The following CX3CR1 variants were observed in gnomAD, a reference collection of about 807,000 sequenced individuals.
CX3CR1 encodes CX3C chemokine receptor 1.
For missense variants in CX3CR1, 363 were observed against 432.4 expected, an observed-to-expected ratio of 0.84 and a Z score of 1.42; for synonymous variants, 168 against 178.5, an observed-to-expected ratio of 0.94 and a Z score of 0.47.
chr3:39,288,340 T>A, the CX3CR1 span, among the ~76,000 whole-genome samples: 1 of 152,258 alleles, frequency 6.6e-6, no homozygotes, highest in African/African-American at 2.4e-5. Context: ...TGCTCAGGGC[T>A]GTTTGTTAAG....
chr3:39,281,479 T>A, upstream of CX3CR1: 6 of 856,532 alleles, frequency 7.0e-6, no homozygotes, highest in Non-Finnish European at 7.3e-6. Context: ...TTGACGACAG[T>A]CTCATCCACC....
At chr3:39,273,558 T>C (rs974702555) in intron 1 of CX3CR1, among the ~76,000 whole-genome samples, 1 of 152,228 alleles carries the variant, frequency 6.6e-6, no homozygotes, top group Non-Finnish European at 1.5e-5. Context: ...TCTTGATGTA[T>C]GAAATTAAAG....
rs1229662185 is a variant in CX3CR1, at chr3:39,265,586, A to G, written c.924T>C (p.Tyr308=). Residue 308 remains tyrosine (Y), a synonymous_variant, in exon 2 of 2, where the codon TAT becomes TAC. Coordinates refer to ENST00000399220, the MANE Select transcript of CX3CR1 (RefSeq NM_001337.4). ...EKFRRYLYHL[Y]GKCLAVLCGR... ...CACACAGGACAGCCAGGCATTTCCC[A>G]TACAGGTGGTAAAGGTATCTTCTGA... 1 of 1,614,200 alleles carries G rather than the reference A, an allele frequency of 6.2e-7. No homozygotes were observed. Among genetic ancestry groups the G allele is most frequent in the East Asian group, 2.2e-5 (1 of 44,880 alleles).
chr3:39,277,984 C>G (rs2040858368), intron 1 of CX3CR1, among the ~76,000 whole-genome samples: 1 of 152,102 alleles, frequency 6.6e-6, no homozygotes, highest in Non-Finnish European at 1.5e-5. Context: ...TGACACATAC[C>G]CATTACATGG....
intron 1 of CX3CR1, among the ~76,000 whole-genome samples, chr3:39,275,281 T>G (rs1438292446): frequency 6.6e-6 from 1 of 152,248 alleles, no homozygotes; most frequent in East Asian, 1.9e-4. Flanking sequence ...GGGCGTCATC[T>G]CTTTGAAATG....
chr3:39,283,728 C>T (rs537264853), upstream of CX3CR1, among the ~76,000 whole-genome samples: 685 of 138,968 alleles, frequency 4.9e-3, 3 homozygotes, highest in Non-Finnish European at 8.5e-3. Flanking sequence ...TGCAGTGAGC[C>T]GAGATAGCGC....
In CX3CR1 at chr3:39,264,279, G is replaced by A. The variant is rs376154355; in HGVS notation, c.*1163C>T. On this transcript the variant is annotated 3_prime_UTR_variant, in exon 2 of 2. Transcript: ENST00000399220. The stretch of plus-strand genomic sequence containing the variant: ...ACAGCAGTGCCAGGTGTGGAAAGCA[G>A]AAGTCTAAGAGGCAGACAAAAGGGT... The A allele has an allele frequency of 1.1e-4, 17 of 152,414 alleles. No individual in the cohort carries two copies. In the East Asian group the frequency reaches 2.9e-3, roughly 26 times the overall value. 9.4% of individuals were successfully genotyped at this position (152,414 alleles called of 1,614,324 possible). A position where few individuals can be genotyped will look rare whatever the true frequency, so the allele number is the denominator to read the frequency against.
At chr3:39,281,518 G>A (rs1417340373), upstream of CX3CR1, 12 of 1,132,874 alleles carry the variant, frequency 1.1e-5, no homozygotes, top group Admixed American at 1.2e-4. Flanking sequence ...CCGTGTTCAT[G>A]AGCACACATC....
intron 1 of CX3CR1, among the ~76,000 whole-genome samples, chr3:39,279,189 C>T (rs902086248): frequency 7.9e-5 from 12 of 151,244 alleles, no homozygotes; most frequent in African/African-American, 2.9e-4. Context: ...GAAAGAAAAC[C>T]CAAAAAACAA....
intron 1 of CX3CR1, among the ~76,000 whole-genome samples, chr3:39,276,706 T>C (rs188524019): frequency 3.9e-5 from 6 of 152,384 alleles, no homozygotes; most frequent in Admixed American, 3.3e-4. Context: ...TTTTTGTGCA[T>C]GTACATCTCC....
rs372076589 is a variant in CX3CR1, at chr3:39,266,154, A to G, written c.356T>C (p.Phe119Ser). The G allele has an allele frequency of 1.5e-5, 24 of 1,614,084 alleles. No homozygotes were observed. Among genetic ancestry groups the G allele is most frequent in the African/African-American group, 2.7e-5 (2 of 74,916 alleles). Residue 119 changes from phenylalanine to serine, a missense_variant, in exon 2 of 2, where the codon TTC becomes TCC. Transcript: ENST00000399220. ...CCTATCAATGCTGATGACGGTGATGAAGAATATGCTTCCAAAAAAGCCGAT... is the reference window on the plus strand; with the variant it reads ...CCTATCAATGCTGATGACGGTGATGGAGAATATGCTTCCAAAAAAGCCGAT... ...FFIGFFGSIF[F>S]ITVISIDRYL...
chr3:39,274,413 G>A (rs2040815190), intron 1 of CX3CR1, among the ~76,000 whole-genome samples: 1 of 145,672 alleles, frequency 6.9e-6, no homozygotes, highest in Admixed American at 7.3e-5. Flanking sequence ...AGAACAGCAT[G>A]GCATTGTCTA....
At chr3:39,275,884 C>G (rs549805662) in intron 1 of CX3CR1, among the ~76,000 whole-genome samples, 1 of 150,786 alleles carries the variant, frequency 6.6e-6, no homozygotes, top group South Asian at 2.1e-4. Context: ...ATATCTGTCT[C>G]CTTAAAAACT....
At chr3:39,275,933 A>AG (rs1194580457) in intron 1 of CX3CR1, among the ~76,000 whole-genome samples, 1 of 152,140 alleles carries the variant, frequency 6.6e-6, no homozygotes, top group Non-Finnish European at 1.5e-5. Flanking sequence ...AAAAAAAAAA[A>AG]AAAAATCTGC....
upstream of CX3CR1, among the ~76,000 whole-genome samples, chr3:39,282,311 A>G (rs1198261339): frequency 6.6e-6 from 1 of 151,528 alleles, no homozygotes; most frequent in African/African-American, 2.4e-5. Context: ...CTCTTGTTCA[A>G]CCCCTCCCCC....
chr3:39,277,817 ACCT>A (rs1175630476), intron 1 of CX3CR1, among the ~76,000 whole-genome samples: 3 of 152,090 alleles, frequency 2.0e-5, no homozygotes, highest in Non-Finnish European at 4.4e-5. Context: ...ATTCTTCACA[ACCT>A]CATTCAATAG....
intron 1 of CX3CR1, 117 bp downstream of exon 1, chr3:39,279,837 A>G (rs1013264089): frequency 3.5e-5 from 11 of 317,144 alleles, no homozygotes; most frequent in Non-Finnish European, 5.0e-5. Flanking sequence ...TTAGGCTACA[A>G]CATCCCCAGG....
At chr3:39,278,539 T>C (rs1388504577) in intron 1 of CX3CR1, among the ~76,000 whole-genome samples, 1 of 150,826 alleles carries the variant, frequency 6.6e-6, no homozygotes, top group Non-Finnish European at 1.5e-5. Context: ...CCCTGAGCAA[T>C]GCAAGCTTTC....
chr3:39,280,265 G>C (rs141811866), upstream of CX3CR1: 268 of 985,654 alleles, frequency 2.7e-4, 1 homozygote, highest in African/African-American at 4.5e-3. Context: ...CTGGAGGTGG[G>C]GGGCAGGGAG....
Sources: gnomAD v4.1 joint callset for allele counts (sites outside exome capture counted in the v4.1 genomes callset) on GRCh38, gnomAD v4.1.1 for gene constraint, MANE v1.5 for transcripts, NCBI Gene and HGNC (gene_info 2026-07-23, HGNC 2026-07-21) for gene names.